Variants in SCGB1D2 observed in about 807,000 individuals in gnomAD.
SCGB1D2 encodes lipophilin-B.
In SCGB1D2, 10 loss-of-function variants were observed where a neutral mutation model predicts 10.5. The ratio of observed to expected loss-of-function variants is 0.95; its 90% confidence interval spans 0.59 to 1.61. The LOEUF is 1.61. SCGB1D2 is among the 40% of genes most tolerant of loss of function. The pLI is 0.00. For missense variants in SCGB1D2, 113 were observed against 103.8 expected, an observed-to-expected ratio of 1.09 and a Z score of -0.38; for synonymous variants, 42 against 42.8, an observed-to-expected ratio of 0.98 and a Z score of 0.08.
At chr11:62,243,614 G>A (rs1413830177) in intron 2 of SCGB1D2, 138 bp downstream of exon 2, 4 of 690,436 alleles carry the variant, frequency 5.8e-6, no homozygotes, top group Admixed American at 2.4e-5. Flanking sequence ...GTCACCTGGG[G>A]CCACAGGGTG....
At chr11:62,242,458 A>G in intron 1 of SCGB1D2, 96 bp downstream of exon 1, 1 of 1,286,232 alleles carries the variant, frequency 7.8e-7, no homozygotes, top group East Asian at 2.3e-5. Context: ...GGATCTGCAC[A>G]AAACCAAAAT....
At chr11:62,244,600 T>A in intron 2 of SCGB1D2, 70 bp from the exon 3 acceptor site, 1 of 1,432,936 alleles carries the variant, frequency 7.0e-7, no homozygotes, top group Non-Finnish European at 9.7e-7. Context: ...ACTGGCCTCT[T>A]GGATGTGAGC....
In SCGB1D2 at chr11:62,242,241, G is replaced by T; in HGVS notation, c.-67G>T. ...AGCCCTGGGCTCTGCAGCTCCACAG[G>T]CTCCTGGGGTGGAGTCCAAATCACT... On this transcript the variant is annotated 5_prime_UTR_variant, in exon 1 of 3. Transcript: ENST00000244926. 5 of 1,563,312 alleles carry T rather than the reference G, an allele frequency of 3.2e-6. No homozygotes were observed. In the African/African-American group the frequency reaches 5.4e-5, roughly 17 times the overall value.
chr11:62,242,730 T>C (rs541885956), intron 1 of SCGB1D2, among the ~76,000 whole-genome samples: 2 of 152,300 alleles, frequency 1.3e-5, no homozygotes, highest in East Asian at 3.9e-4. Flanking sequence ...CTATCACTGG[T>C]AGTTAGCGCT....
At chr11:62,243,082 A>C (rs1380774759) in intron 1 of SCGB1D2, among the ~76,000 whole-genome samples, 2 of 152,194 alleles carry the variant, frequency 1.3e-5, no homozygotes, top group African/African-American at 2.4e-5. Flanking sequence ...ACAAAGGGAA[A>C]AAAAAGAGTT....
At position 62,242,339 on chromosome 11, in the gene SCGB1D2, C is replaced by T. The variant is rs764058216; in HGVS notation, c.32C>T (p.Thr11Met). MKLSVCLLLVTLALCCYQANA... is the reference protein window; with the variant it reads MKLSVCLLLVMLALCCYQANA... The stretch of plus-strand genomic sequence containing the variant: ...CTGTCGGTGTGTCTCCTGCTGGTCA[C>T]GCTGGCCCTCTGCTGCTACCAGGGT... Residue 11 changes from threonine (T) to methionine (M), a missense_variant, in exon 1 of 3, where the codon ACG becomes ATG. Coordinates refer to ENST00000244926, the MANE Select transcript of SCGB1D2 (RefSeq NM_006551.4). 23 of 1,614,064 alleles carry T rather than the reference C, an allele frequency of 1.4e-5. No homozygotes were observed. Among genetic ancestry groups the T allele is most frequent in the Middle Eastern group, 1.6e-4 (1 of 6,062 alleles).
chr11:62,244,031 T>A (rs1240767934), intron 2 of SCGB1D2, among the ~76,000 whole-genome samples: 1 of 152,014 alleles, frequency 6.6e-6, no homozygotes, highest in Non-Finnish European at 1.5e-5. Context: ...CACGACACTC[T>A]CCTGACCATG....
At chr11:62,244,526 G>A (rs1172457840) in intron 2 of SCGB1D2, 144 bp from the exon 3 acceptor site, 2 of 694,924 alleles carry the variant, frequency 2.9e-6, no homozygotes, top group Non-Finnish European at 2.5e-6. Flanking sequence ...CCAGGTCTAG[G>A]CCTCAGTTTC....
At chr11:62,244,605 G>A (rs1319591014) in intron 2 of SCGB1D2, 65 bp from the exon 3 acceptor site, 2 of 1,465,428 alleles carry the variant, frequency 1.4e-6, no homozygotes, top group Non-Finnish European at 1.9e-6. Flanking sequence ...CCTCTTGGAT[G>A]TGAGCCTGTC....
chr11:62,242,453 T>A, intron 1 of SCGB1D2, 91 bp downstream of exon 1: 1 of 1,321,838 alleles, frequency 7.6e-7, no homozygotes, highest in Non-Finnish European at 1.1e-6. Context: ...GGTTAGGATC[T>A]GCACAAAACC....
Position 62,242,252 on chromosome 11 carries a change from G to A in SCGB1D2, c.-56G>A, listed in dbSNP as rs1413832775. Reference sequence around the variant, plus strand: ...CTGCAGCTCCACAGGCTCCTGGGGTGGAGTCCAAATCACTCATTGTTTGTG... The same window carrying A: ...CTGCAGCTCCACAGGCTCCTGGGGTAGAGTCCAAATCACTCATTGTTTGTG... On this transcript the variant is annotated 5_prime_UTR_variant, in exon 1 of 3. Coordinates refer to ENST00000244926, the MANE Select transcript of SCGB1D2 (RefSeq NM_006551.4). 3.8e-6 allele frequency: 6 copies of A among 1,590,612 alleles called. No individual in the cohort carries two copies. The South Asian group carries it at 5.5e-5, about 15-fold the overall frequency.
rs1389152680 is a variant in SCGB1D2, at chr11:62,243,293, T to A, written c.60T>A (p.Asn20Lys). The A allele has an allele frequency of 1.2e-5, 19 of 1,608,844 alleles. No homozygotes were observed. The highest frequency in any genetic ancestry group is 2.2e-5 in the East Asian group (1 of 44,780). The stretch of plus-strand genomic sequence containing the variant: ...ATTTTTATTCTTTTGCTGCAGCCAA[T>A]GCCGAGTTCTGCCCAGCTCTTGTTT... ...VTLALCCYQA[N>K]AEFCPALVSE... Residue 20 changes from asparagine to lysine, a missense_variant, in exon 2 of 3, where the codon AAT (asparagine) becomes AAA (lysine). Coordinates refer to ENST00000244926, the MANE Select transcript of SCGB1D2 (RefSeq NM_006551.4).
chr11:62,243,774 G>A lies in SCGB1D2; in HGVS notation c.243+298G>A, dbSNP rs541823255. Among the ~76,000 whole-genome samples, 6 of 152,262 alleles carry A rather than the reference G, an allele frequency of 3.9e-5. 1 individual carries two copies. The highest frequency in any genetic ancestry group is 2.6e-4 in the Admixed American group (4 of 15,304). ...CTGGGCCCAGGCAGAAATGGTAAAG[G>A]GCCAAGCATGGCCGCCTCGCTGCTG... On this transcript the variant is annotated intron_variant, in intron 2 of 2. Transcript: ENST00000244926.
Position 62,244,690 on chromosome 11 carries a change from T to C in SCGB1D2, c.264T>C (p.Cys88=). ...TTTAGGTGAAAATATTGAAGAAATG[T>C]AGTGTGTGACATGTAAAAACTTTCA... ...AEVLVKILKK[C]SV The change falls in exon 3 of 3, where the codon TGT becomes TGC. Residue 88 remains cysteine (C), a synonymous_variant. Transcript: ENST00000244926. 1.9e-6 allele frequency: 3 copies of C among 1,613,358 alleles called. No individual in the cohort carries two copies. Among genetic ancestry groups the C allele is most frequent in the Non-Finnish European group, 2.5e-6 (3 of 1,179,468 alleles).
chr11:62,243,198 C>T (rs1440560412), intron 1 of SCGB1D2, 91 bp from the exon 2 acceptor site: 3 of 1,009,120 alleles, frequency 3.0e-6, no homozygotes, highest in Admixed American at 2.1e-5. Context: ...GAACATATAA[C>T]CCAGGGGATC....
intron 1 of SCGB1D2, 58 bp downstream of exon 1, chr11:62,242,420 A>G (rs1945070342): frequency 6.4e-7 from 1 of 1,568,704 alleles, no homozygotes; most frequent in Non-Finnish European, 8.8e-7. Context: ...TCTTCCAAGC[A>G]CGAGGTCACC....
At position 62,244,655 on chromosome 11, in the gene SCGB1D2, C is replaced by A. The variant is rs747720777; in HGVS notation, c.244-15C>A. On this transcript the variant is annotated splice_polypyrimidine_tract_variant and intron_variant, in intron 2 of 2. Coordinates refer to ENST00000244926, the MANE Select transcript of SCGB1D2 (RefSeq NM_006551.4). ...CATGACTGACCCCACCTTCTTTTTT[C>A]TTTTCCTATTTTAGGTGAAAATATT... 4 of 1,611,358 alleles carry A rather than the reference C, an allele frequency of 2.5e-6. No homozygotes were observed. Among genetic ancestry groups the A allele is most frequent in the Non-Finnish European group, 2.5e-6 (3 of 1,178,734 alleles).
intron 1 of SCGB1D2, among the ~76,000 whole-genome samples, chr11:62,242,892 G>A (rs1406385): frequency 0.96 from 145,930 of 152,298 alleles, 70,196 homozygotes; most frequent in East Asian, 1. Flanking sequence ...GTTTGAGTCC[G>A]GCCTAGGCAA....
At chr11:62,244,466 G>T (rs1183049571) in intron 2 of SCGB1D2, among the ~76,000 whole-genome samples, 1 of 152,092 alleles carries the variant, frequency 6.6e-6, no homozygotes, top group Non-Finnish European at 1.5e-5. Flanking sequence ...AGGGCTATTG[G>T]CCTGGCAAGA....
Sources: gnomAD v4.1 joint callset for allele counts (sites outside exome capture counted in the v4.1 genomes callset) on GRCh38, gnomAD v4.1.1 for gene constraint, MANE v1.5 for transcripts, NCBI Gene and HGNC (gene_info 2026-07-23, HGNC 2026-07-21) for gene names.